The following DMRT1 variants were observed in gnomAD, a reference collection of about 807,000 sequenced individuals.
DMRT1 encodes doublesex- and mab-3-related transcription factor 1.
Under a neutral mutation model 32.3 loss-of-function variants are expected in DMRT1, and 7 were observed. The ratio of observed to expected loss-of-function variants is 0.22; its 90% CI spans 0.12 to 0.41. The LOEUF is 0.41. Ranked by LOEUF, DMRT1 falls within the 10% of genes least tolerant of loss-of-function variation. The pLI is 1.00. For synonymous variants in DMRT1, 278 were observed against 206.1 expected, an observed-to-expected ratio of 1.35 and a Z score of -2.99; for missense variants, 625 against 500.5, an observed-to-expected ratio of 1.25 and a Z score of -2.37.
At chr9:911,291 C>T (rs930733182) in intron 3 of DMRT1, among the ~76,000 whole-genome samples, 1 of 152,072 alleles carries the variant, frequency 6.6e-6, no homozygotes, top group Non-Finnish European at 1.5e-5. Flanking sequence ...GAGGATCAGA[C>T]TGCCCCTAGT....
At chr9:865,453 AAT>A (rs1371866601) in intron 2 of DMRT1, among the ~76,000 whole-genome samples, 1 of 152,092 alleles carries the variant, frequency 6.6e-6, no homozygotes, top group African/African-American at 2.4e-5. Context: ...ATTTTTCATA[AAT>A]ATATATGATA....
chr9:863,966 A>G (rs1815844940), intron 2 of DMRT1, among the ~76,000 whole-genome samples: 1 of 151,914 alleles, frequency 6.6e-6, no homozygotes, highest in African/African-American at 2.4e-5. Context: ...GTTTCCCCCG[A>G]CTATTTGGTA....
chr9:930,692 G>A (rs1396501362), intron 4 of DMRT1, among the ~76,000 whole-genome samples: 1 of 152,114 alleles, frequency 6.6e-6, no homozygotes, highest in East Asian at 1.9e-4. Context: ...ACAGACATGA[G>A]CCACCGCACC....
intron 3 of DMRT1, among the ~76,000 whole-genome samples, chr9:911,482 T>TTTG (rs1817982680): frequency 3.0e-5 from 2 of 67,342 alleles, no homozygotes; most frequent in African/African-American, 1.6e-4. Flanking sequence ...TTTTTTTTTT[T>TTTG]TTTTTTTTTT....
At chr9:843,932 G>A (rs1239564766) in intron 1 of DMRT1, among the ~76,000 whole-genome samples, 1 of 152,144 alleles carries the variant, frequency 6.6e-6, no homozygotes, top group Non-Finnish European at 1.5e-5. Context: ...AATCTGTAGT[G>A]GGTGAAAAGA....
chr9:864,753 G>T (rs377714222), intron 2 of DMRT1, among the ~76,000 whole-genome samples: 36 of 146,900 alleles, frequency 2.5e-4, no homozygotes, highest in African/African-American at 8.6e-4. Flanking sequence ...GCCCACCTCG[G>T]CCTCCCAAAG....
intron 3 of DMRT1, among the ~76,000 whole-genome samples, chr9:906,815 G>A (rs1817792827): frequency 6.6e-6 from 1 of 152,210 alleles, no homozygotes; most frequent in Non-Finnish European, 1.5e-5. Flanking sequence ...AAATTAGAAA[G>A]TTTCCTTGGT....
At chr9:912,876 G>C (rs1305016609) in intron 3 of DMRT1, among the ~76,000 whole-genome samples, 1 of 152,158 alleles carries the variant, frequency 6.6e-6, no homozygotes, top group Non-Finnish European at 1.5e-5. Flanking sequence ...TGGAGTCCAG[G>C]CATCAGTACT....
At chr9:964,108 G>A (rs180721463) in intron 4 of DMRT1, among the ~76,000 whole-genome samples, 14 of 152,140 alleles carry the variant, frequency 9.2e-5, no homozygotes, top group African/African-American at 2.2e-4. Flanking sequence ...AGAATTATTC[G>A]TTCCAGTCCA....
intron 4 of DMRT1, among the ~76,000 whole-genome samples, chr9:960,668 G>C (rs1290453123): frequency 2.0e-5 from 3 of 152,208 alleles, no homozygotes; most frequent in Non-Finnish European, 4.4e-5. Flanking sequence ...GCTCCTGGCT[G>C]AGGGGTACGA....
chr9:853,948 A>T (rs1412356544), intron 2 of DMRT1, among the ~76,000 whole-genome samples: 1 of 151,894 alleles, frequency 6.6e-6, no homozygotes, highest in Non-Finnish European at 1.5e-5. Flanking sequence ...GGTGCACGCT[A>T]TCATGCCTGG....
intron 3 of DMRT1, among the ~76,000 whole-genome samples, chr9:914,922 T>C (rs1030871542): frequency 6.6e-6 from 1 of 152,192 alleles, no homozygotes; most frequent in African/African-American, 2.4e-5. Flanking sequence ...CAGTGTTAGT[T>C]GGTGAATTGT....
chr9:968,011 T>G lies in DMRT1; in HGVS notation c.994T>G (p.Ser332Ala), dbSNP rs370356267. The G allele has an allele frequency of 6.2e-6, 10 of 1,613,958 alleles. No homozygotes were observed. The highest frequency in any genetic ancestry group is 8.5e-6 in the Non-Finnish European group (10 of 1,180,030). The change falls in exon 5 of 5, where the codon TCT becomes GCT. Residue 332 changes from serine to alanine, a missense_variant. By Grantham distance (99) the Ser-to-Ala change is moderately conservative (BLOSUM62 1). Transcript: ENST00000382276. The part of the protein sequence containing the change: ...SVFSPPSSQD[S>A]GLVSLSSSSP... ...ATTCTCGCCGCCCAGCAGTCAAGAT[T>G]CTGGCTTGGTTTCCCTCTCGAGCAG... is the stretch of plus-strand genomic sequence containing the variant.
chr9:937,514 T>C (rs1818925870), intron 4 of DMRT1, among the ~76,000 whole-genome samples: 2 of 152,190 alleles, frequency 1.3e-5, no homozygotes, highest in Non-Finnish European at 2.9e-5. Flanking sequence ...TCTTGTTGTT[T>C]TCCGTTTTTT....
intron 2 of DMRT1, among the ~76,000 whole-genome samples, chr9:891,178 C>CA (rs113641984): frequency 0.039 from 5,584 of 142,660 alleles, 142 homozygotes; most frequent in African/African-American, 0.08. Flanking sequence ...CATCTCTATA[C>CA]AAAAAAATTA....
chr9:858,435 G>A (rs1815497476), intron 2 of DMRT1, among the ~76,000 whole-genome samples: 1 of 152,142 alleles, frequency 6.6e-6, no homozygotes. Context: ...TTACTTGGTG[G>A]TTTGAGGATC....
At position 968,091 on chromosome 9, in the gene DMRT1, G is replaced by T; in HGVS notation, c.1074G>T (p.Ser358=). Residue 358 remains serine, a synonymous_variant, in exon 5 of 5, where the codon TCG becomes TCT. Coordinates refer to ENST00000382276, the MANE Select transcript of DMRT1 (RefSeq NM_021951.3). ...TKAVLECEPA[S]EPSSFTVTPV... ...CAGTGCTTGAATGTGAGCCTGCGTCGGAGCCCAGCAGCTTCACAGTCACTC... is the reference window on the plus strand; with the variant it reads ...CAGTGCTTGAATGTGAGCCTGCGTCTGAGCCCAGCAGCTTCACAGTCACTC... 6.2e-7 allele frequency: 1 copy of T among 1,614,116 alleles called. No individual in the cohort carries two copies. Among genetic ancestry groups the T allele is most frequent in the East Asian group, 2.2e-5 (1 of 44,884 alleles).
chr9:910,736 A>G (rs1379610934), intron 3 of DMRT1, among the ~76,000 whole-genome samples: 1 of 152,134 alleles, frequency 6.6e-6, no homozygotes, highest in Admixed American at 6.5e-5. Flanking sequence ...TCCACCAGCC[A>G]GCTCTTATCC....
chr9:897,073 G>A (rs1490823723), intron 3 of DMRT1, among the ~76,000 whole-genome samples: 1 of 145,486 alleles, frequency 6.9e-6, no homozygotes. Flanking sequence ...TTCTTCATAC[G>A]TTTTATTTTT....
Sources: gnomAD v4.1 joint callset for allele counts (sites outside exome capture counted in the v4.1 genomes callset) on GRCh38, gnomAD v4.1.1 for gene constraint, MANE v1.5 for transcripts, NCBI Gene and HGNC (gene_info 2026-07-23, HGNC 2026-07-21) for gene names.